GPHN: variants seen among roughly 807,000 people sequenced by gnomAD.
GPHN encodes the protein gephyrin.
GPHN carries 17 observed loss-of-function variants against 95.5 expected under a neutral mutation model. The ratio of observed to expected loss-of-function variants is 0.18; its 90% confidence interval spans 0.12 to 0.27. GPHN has a LOEUF of 0.27. Ranked by LOEUF, GPHN falls within the 10% of genes least tolerant of loss-of-function variation. GPHN has a pLI of 1.00. For missense variants in GPHN, 660 were observed against 978.1 expected, an observed-to-expected ratio of 0.67 and a Z score of 4.34; for synonymous variants, 320 against 322.5, an observed-to-expected ratio of 0.99 and a Z score of 0.08.
the GPHN span, among the ~76,000 whole-genome samples, chr14:67,449,748 T>A: frequency 6.6e-6 from 1 of 152,144 alleles, no homozygotes; most frequent in African/African-American, 2.4e-5. Flanking sequence ...GGTGGGTATT[T>A]CTCGTGCTGT....
intron 5 of GPHN, among the ~76,000 whole-genome samples, chr14:66,887,663 A>G (rs1014301314): frequency 6.6e-5 from 10 of 152,188 alleles, no homozygotes; most frequent in Admixed American, 1.3e-4. Context: ...AGGCCTGTCT[A>G]CAGCAGTTCC....
At chr14:67,193,118 CTCTATATATCTCTATATAGACATCTA>C in the GPHN span, among the ~76,000 whole-genome samples, 5 of 138,314 alleles carry the variant, frequency 3.6e-5, no homozygotes, top group South Asian at 9.3e-4. Flanking sequence ...ATAGATATCT[CTCTATATATCTCTATATAGACATCTA>C]TCTATATATC....
chr14:67,646,407 C>A, the GPHN span: 1 of 486,872 alleles, frequency 2.1e-6, no homozygotes, highest in African/African-American at 2.0e-5. Flanking sequence ...GAAACCAAGA[C>A]AACCTTAGAG....
chr14:67,092,785 A>T (rs1227572072), intron 12 of GPHN, among the ~76,000 whole-genome samples: 1 of 152,164 alleles, frequency 6.6e-6, no homozygotes, highest in Non-Finnish European at 1.5e-5. Context: ...TGAATTTGAA[A>T]GATAAAAGTA....
the GPHN span, chr14:67,722,519 A>C: frequency 2.4e-6 from 2 of 825,096 alleles, no homozygotes; most frequent in Non-Finnish European, 4.3e-6. Flanking sequence ...AGCACCCAGG[A>C]CGGAGAGGAG....
At chr14:67,050,821 T>C (rs984409630) in intron 10 of GPHN, among the ~76,000 whole-genome samples, 1 of 150,972 alleles carries the variant, frequency 6.6e-6, no homozygotes, top group African/African-American at 2.4e-5. Context: ...GTGCAACCCA[T>C]GGTAAGTGAG....
chr14:67,359,877 G>A, the GPHN span: 2 of 677,746 alleles, frequency 3.0e-6, no homozygotes, highest in South Asian at 1.8e-5. Flanking sequence ...GTTGTCACAG[G>A]CGACGAAGGG....
chr14:67,005,441 CCAT>C (rs1374706924), intron 9 of GPHN, among the ~76,000 whole-genome samples: 2 of 151,752 alleles, frequency 1.3e-5, no homozygotes, highest in Admixed American at 1.3e-4. Context: ...ACAATGTACT[CCAT>C]CATCAGAAGT....
chr14:66,812,526 G>A (rs190129878), intron 3 of GPHN, among the ~76,000 whole-genome samples: 91 of 152,136 alleles, frequency 6.0e-4, no homozygotes, highest in Admixed American at 1.1e-3. Context: ...TCATAATCAA[G>A]CAGTAAAGGA....
intron 2 of GPHN, among the ~76,000 whole-genome samples, chr14:66,723,393 A>C (rs569308299): frequency 7.9e-6 from 1 of 126,602 alleles, no homozygotes; most frequent in South Asian, 2.4e-4. Flanking sequence ...TATTTATGAA[A>C]GTTTATAAGT....
chr14:67,332,069 G>C, the GPHN span, among the ~76,000 whole-genome samples: 1 of 152,214 alleles, frequency 6.6e-6, no homozygotes, highest in Non-Finnish European at 1.5e-5. Flanking sequence ...TAGTATTGAT[G>C]TGTGACTTTT....
In GPHN at chr14:66,698,093, T is replaced by C. The variant is rs1262821122; in HGVS notation, c.143+16908T>C. On this transcript the variant is annotated intron_variant, in intron 2 of 22. Coordinates refer to ENST00000478722, the MANE Select transcript of GPHN (RefSeq NM_020806.5). ...AAATAAATATTTATTAAATGACTAATTTCAAGTATCACAAATAGTTATTTA... is the reference window on the plus strand; with the variant it reads ...AAATAAATATTTATTAAATGACTAACTTCAAGTATCACAAATAGTTATTTA... Among the ~76,000 whole-genome samples, 127 of 152,210 alleles carry C rather than the reference T, an allele frequency of 8.3e-4. 1 individual carries two copies. The highest frequency in any genetic ancestry group is 4.4e-5 in the Non-Finnish European group (3 of 68,048).
intron 9 of GPHN, among the ~76,000 whole-genome samples, chr14:67,012,514 G>A (rs1318254473): frequency 6.6e-6 from 1 of 152,122 alleles, no homozygotes; most frequent in African/African-American, 2.4e-5. Flanking sequence ...CTTCTTTGAT[G>A]TGGAAGAGGT....
chr14:67,735,217 G>C, the GPHN span: 3 of 1,460,404 alleles, frequency 2.1e-6, no homozygotes, highest in East Asian at 6.8e-5. Flanking sequence ...ATCATTTCTC[G>C]TGGTGTTCAG....
chr14:67,450,313 G>C, the GPHN span, among the ~76,000 whole-genome samples: 1 of 152,130 alleles, frequency 6.6e-6, no homozygotes. Context: ...AGTAGAGTGG[G>C]GCACTGCTGA....
the GPHN span, among the ~76,000 whole-genome samples, chr14:67,225,443 G>A: frequency 6.6e-6 from 1 of 152,158 alleles, no homozygotes; most frequent in South Asian, 2.1e-4. Context: ...TCCATCATGG[G>A]TCAAAAGATA....
intron 18 of GPHN, among the ~76,000 whole-genome samples, chr14:67,145,767 A>G (rs1034083355): frequency 1.3e-5 from 2 of 152,214 alleles, no homozygotes; most frequent in East Asian, 3.8e-4. Context: ...TACTAAAAAG[A>G]CAGGGAAATC....
intron 8 of GPHN, among the ~76,000 whole-genome samples, chr14:66,953,039 A>G (rs887469647): frequency 6.6e-6 from 1 of 150,414 alleles, no homozygotes; most frequent in Non-Finnish European, 1.5e-5. Context: ...GTGAAATGGC[A>G]TCTCATTGTG....
At chr14:67,059,029 A>AAT (rs529247142) in intron 11 of GPHN, 13 of 556,812 alleles carry the variant, frequency 2.3e-5, no homozygotes, top group African/African-American at 2.1e-4. Flanking sequence ...AAAAAAAAAA[A>AAT]GGAAGAAAAT....
Sources: allele counts gnomAD v4.1 joint callset (sites outside exome capture counted in the v4.1 genomes callset), GRCh38; gene constraint gnomAD v4.1.1; transcripts MANE v1.5; gene names NCBI Gene and HGNC (gene_info 2026-07-23, HGNC 2026-07-21).